The following VOPP1 variants were observed in gnomAD, a reference collection of about 807,000 sequenced individuals.
The protein encoded by VOPP1 is VOPP1 WW domain binding protein, also known as WW domain binding protein VOPP1.
Under a neutral mutation model 23.5 loss-of-function variants are expected in VOPP1, and 8 were observed. The observed-to-expected ratio is 0.34, with a 90% CI of 0.20 to 0.61. VOPP1 has a LOEUF of 0.61. Ranked by LOEUF, VOPP1 falls within the 20% of genes least tolerant of loss-of-function variation. The pLI, the probability that VOPP1 is intolerant of heterozygous loss-of-function variation, is 0.78. For synonymous variants in VOPP1, 83 were observed against 97.3 expected, an observed-to-expected ratio of 0.85 and a Z score of 0.86; for missense variants, 174 against 238.1, an observed-to-expected ratio of 0.73 and a Z score of 1.77.
In VOPP1 at chr7:55,472,969, T is replaced by C; in HGVS notation, c.405A>G (p.Ala135=). ...AGTTGGGTGGGACCTGGAAAGCCAT[T>C]GCCATGGAATTCCCGACAGGGTTCA... The part of the protein sequence containing the change: ...PGMNPVGNSM[A]MAFQVPPNSP... Residue 135 remains alanine (A), a synonymous_variant, in exon 5 of 5, where the codon GCA becomes GCG. Coordinates refer to ENST00000285279, the MANE Select transcript of VOPP1 (RefSeq NM_030796.5). 14 of 1,591,276 alleles carry C rather than the reference T, an allele frequency of 8.8e-6. No individual in the cohort carries two copies. The highest frequency in any genetic ancestry group is 1.2e-5 in the Non-Finnish European group (14 of 1,171,574).
intron 4 of VOPP1, among the ~76,000 whole-genome samples, chr7:55,487,938 T>A (rs1218702789): frequency 6.6e-6 from 1 of 152,186 alleles, no homozygotes; most frequent in East Asian, 1.9e-4. Flanking sequence ...TCTCCACCGT[T>A]CTACAGTTCC....
chr7:55,501,833 C>G (rs1794390363), intron 2 of VOPP1, among the ~76,000 whole-genome samples: 1 of 152,130 alleles, frequency 6.6e-6, no homozygotes, highest in Admixed American at 6.6e-5. Flanking sequence ...CCTGCTAGTT[C>G]CCTCCCATTG....
chr7:55,517,709 C>T (rs1283701448), intron 2 of VOPP1, among the ~76,000 whole-genome samples: 1 of 152,086 alleles, frequency 6.6e-6, no homozygotes, highest in African/African-American at 2.4e-5. Flanking sequence ...CAAGCACTTC[C>T]AGTAGGGGTG....
downstream of VOPP1, among the ~76,000 whole-genome samples, chr7:55,466,348 A>G (rs922294656): frequency 6.6e-6 from 1 of 152,220 alleles, no homozygotes; most frequent in African/African-American, 2.4e-5. Context: ...TGCAAGTCAG[A>G]AAACTTCAGA....
chr7:55,435,304 G>A (rs1349834898), downstream of VOPP1, among the ~76,000 whole-genome samples: 1 of 152,230 alleles, frequency 6.6e-6, no homozygotes, highest in Non-Finnish European at 1.5e-5. Flanking sequence ...TTCAGGCTGG[G>A]GGGTAAAGAA....
intron 1 of VOPP1, among the ~76,000 whole-genome samples, chr7:55,529,737 T>C (rs1796392779): frequency 6.6e-6 from 1 of 152,162 alleles, no homozygotes. Flanking sequence ...CTGCAGTCAA[T>C]TCCAACTCCT....
At chr7:55,488,677 T>A (rs1347512601) in intron 4 of VOPP1, among the ~76,000 whole-genome samples, 2 of 151,914 alleles carry the variant, frequency 1.3e-5, no homozygotes, top group Non-Finnish European at 2.9e-5. Context: ...TATGAGCCAC[T>A]GCCCCCCCTG....
Position 55,446,228 on chromosome 7 carries a change from C to T in VOPP1, n.418-10054G>A, listed in dbSNP as rs187807184. On this transcript the variant is annotated intron_variant and non_coding_transcript_variant, in intron 4 of 4. Coordinates refer to the VOPP1 transcript ENST00000462326. ...CAGGATGGTCTCAATCTCCTGACCT[C>T]GTGATCTGCCCACCTCGGCCTCCCA... Among the ~76,000 whole-genome samples the T allele has an allele frequency of 8.3e-3, 1,259 of 152,230 alleles. 14 individuals carry two copies. Among genetic ancestry groups the T allele is most frequent in the African/African-American group, 0.027 (1,131 of 41,534 alleles).
At chr7:55,437,556 T>C (rs904106731) in intron 4 of VOPP1, among the ~76,000 whole-genome samples, 1 of 152,240 alleles carries the variant, frequency 6.6e-6, no homozygotes, top group African/African-American at 2.4e-5. Flanking sequence ...TGTAGGATTT[T>C]CATCTGATAA....
At chr7:55,452,161 A>G (rs934538377) in intron 4 of VOPP1, among the ~76,000 whole-genome samples, 1 of 152,244 alleles carries the variant, frequency 6.6e-6, no homozygotes, top group Non-Finnish European at 1.5e-5. Flanking sequence ...CAATATTCAC[A>G]GCATCTTTAG....
chr7:55,537,794 C>T, intron 1 of VOPP1: 2 of 1,060,352 alleles, frequency 1.9e-6, no homozygotes, highest in Non-Finnish European at 2.5e-6. Context: ...ACATGCACTT[C>T]CCACAGCCCC....
At chr7:55,520,026 G>C (rs766903156) in intron 2 of VOPP1, among the ~76,000 whole-genome samples, 7 of 152,126 alleles carry the variant, frequency 4.6e-5, no homozygotes, top group Non-Finnish European at 1.0e-4. Context: ...TACTAGGGAG[G>C]CTGAGGCACA....
At chr7:55,516,845 AC>A (rs1302878850) in intron 2 of VOPP1, among the ~76,000 whole-genome samples, 2 of 145,790 alleles carry the variant, frequency 1.4e-5, no homozygotes, top group African/African-American at 5.1e-5. Context: ...TTAGCACTTT[AC>A]CCAGGTGAAA....
chr7:55,486,059 G>A (rs1793118314), intron 4 of VOPP1, among the ~76,000 whole-genome samples: 1 of 152,208 alleles, frequency 6.6e-6, no homozygotes, highest in Non-Finnish European at 1.5e-5. Context: ...CCAGATGCAG[G>A]CACCCATGAG....
At chr7:55,479,162 T>TTA (rs1554398138) in intron 4 of VOPP1, among the ~76,000 whole-genome samples, 1 of 152,100 alleles carries the variant, frequency 6.6e-6, no homozygotes, top group African/African-American at 2.4e-5. Context: ...TTTTTTTTTT[T>TTA]TTATTATTAT....
intron 2 of VOPP1, among the ~76,000 whole-genome samples, chr7:55,512,220 G>A (rs1795115952): frequency 6.6e-6 from 1 of 152,160 alleles, no homozygotes; most frequent in African/African-American, 2.4e-5. Context: ...GAGGTCAGGA[G>A]TTCGAGACCA....
intron 1 of VOPP1, among the ~76,000 whole-genome samples, chr7:55,531,595 G>A (rs569427574): frequency 7.2e-5 from 11 of 152,182 alleles, no homozygotes; most frequent in African/African-American, 1.4e-4. Flanking sequence ...CAGGGGATCC[G>A]CCCACCTCGG....
intron 2 of VOPP1, among the ~76,000 whole-genome samples, chr7:55,497,984 A>G (rs1181838016): frequency 6.6e-6 from 1 of 152,196 alleles, no homozygotes; most frequent in African/African-American, 2.4e-5. Flanking sequence ...TGGCACAACC[A>G]AAGACAGACA....
intron 1 of VOPP1, among the ~76,000 whole-genome samples, chr7:55,546,182 G>A (rs1254374151): frequency 6.6e-6 from 1 of 152,272 alleles, no homozygotes; most frequent in African/African-American, 2.4e-5. Flanking sequence ...TCTGGCCTGT[G>A]CTAGAAGACA....
Sources: gnomAD v4.1 joint callset for allele counts (sites outside exome capture counted in the v4.1 genomes callset) on GRCh38, gnomAD v4.1.1 for gene constraint, MANE v1.5 for transcripts, NCBI Gene and HGNC (gene_info 2026-07-23, HGNC 2026-07-21) for gene names.